The following AGBL4 variants were observed in gnomAD, a reference collection of about 807,000 sequenced individuals.
AGBL4 encodes the protein AGBL carboxypeptidase 4.
A neutral mutation model predicts 66.4 loss-of-function variants in AGBL4; 58 were observed. The observed-to-expected ratio is 0.87, with a 90% CI of 0.71 to 1.09. The LOEUF is 1.09. Among genes scored for constraint, AGBL4 ranks in the 50% least tolerant of loss-of-function variants. The probability of loss-of-function intolerance (pLI) is 0.00; values close to 1 mark genes in which losing one functional copy is unlikely to be tolerated. For missense variants in AGBL4, 579 were observed against 631.0 expected (o/e 0.92, Z 0.88); for synonymous variants, 234 against 222.9 (o/e 1.05, Z -0.44).
intron 6 of AGBL4, among the ~76,000 whole-genome samples, chr1:48,830,234 A>G (rs1646519187): frequency 6.6e-6 from 1 of 152,248 alleles, no homozygotes; most frequent in South Asian, 2.1e-4. Context: ...TAACATTTGT[A>G]GAACTCTTGC....
intron 2 of AGBL4, among the ~76,000 whole-genome samples, chr1:49,762,013 AT>A (rs1318099398): frequency 1.3e-5 from 2 of 152,212 alleles, no homozygotes; most frequent in Non-Finnish European, 2.9e-5. Flanking sequence ...CACCTTGGTT[AT>A]TGTAAATACT....
At position 48,533,966 on chromosome 1, in the gene AGBL4, T is replaced by C. The variant is rs1275511405; in HGVS notation, c.*207A>G. The C allele has an allele frequency of 4.0e-6, 3 of 753,836 alleles. No individual in the cohort carries two copies. The highest frequency in any genetic ancestry group is 2.5e-5 in the Admixed American group (1 of 40,426). The allele number at this position is 753,836 out of a possible 1,614,324, so 46.7% of individuals were successfully genotyped here. A position where few individuals can be genotyped will look rare whatever the true frequency, so the allele number is the denominator to read the frequency against. ...TGGTTCCGATCTCCTATTTTGTTCC[T>C]GAGCTTTTTGAGCTGAAGGCTTACA... On this transcript the variant is annotated 3_prime_UTR_variant, in exon 14 of 14. Coordinates refer to ENST00000371839, the MANE Select transcript of AGBL4 (RefSeq NM_032785.4).
intron 2 of AGBL4, among the ~76,000 whole-genome samples, chr1:49,844,157 A>C (rs1460400503): frequency 6.6e-6 from 1 of 152,222 alleles, no homozygotes; most frequent in Admixed American, 6.5e-5. Flanking sequence ...TGTGGGAAGC[A>C]GATAGGCTCC....
At chr1:49,456,948 A>G (rs1184279455) in intron 3 of AGBL4, among the ~76,000 whole-genome samples, 1 of 151,592 alleles carries the variant, frequency 6.6e-6, no homozygotes, top group Non-Finnish European at 1.5e-5. Context: ...ATATATATAT[A>G]CCACATTTTC....
chr1:49,140,218 AC>A (rs2148091918), intron 4 of AGBL4, among the ~76,000 whole-genome samples: 1 of 152,364 alleles, frequency 6.6e-6, no homozygotes, highest in South Asian at 2.1e-4. Flanking sequence ...AAAGTTAGGT[AC>A]AACTTGATCA....
chr1:48,995,813 T>C (rs1660955078), intron 5 of AGBL4, among the ~76,000 whole-genome samples: 1 of 152,166 alleles, frequency 6.6e-6, no homozygotes, highest in South Asian at 2.1e-4. Context: ...ACAAGCCCTG[T>C]AGTGCCTTAT....
chr1:48,617,160 G>C (rs746246617), intron 9 of AGBL4, among the ~76,000 whole-genome samples: 3 of 152,162 alleles, frequency 2.0e-5, no homozygotes, highest in Non-Finnish European at 4.4e-5. Flanking sequence ...CAAAGAAATA[G>C]CTTGACAGAA....
intron 2 of AGBL4, among the ~76,000 whole-genome samples, chr1:49,782,018 A>C (rs1438927003): frequency 6.6e-6 from 1 of 152,000 alleles, no homozygotes; most frequent in African/African-American, 2.4e-5. Context: ...TTTAAATAAG[A>C]ATATCTCAAA....
chr1:49,117,239 C>T (rs934401329), intron 4 of AGBL4, among the ~76,000 whole-genome samples: 3 of 152,120 alleles, frequency 2.0e-5, no homozygotes, highest in Non-Finnish European at 2.9e-5. Context: ...TCCCATTTGT[C>T]TATTTTAGCT....
At chr1:49,431,500 G>T (rs530266504) in intron 3 of AGBL4, among the ~76,000 whole-genome samples, 2 of 152,176 alleles carry the variant, frequency 1.3e-5, no homozygotes, top group Non-Finnish European at 2.9e-5. Flanking sequence ...CTGGTGTCCT[G>T]TTTTTTTAAA....
At chr1:49,926,497 T>C (rs1652788037) in intron 1 of AGBL4, among the ~76,000 whole-genome samples, 1 of 151,966 alleles carries the variant, frequency 6.6e-6, no homozygotes, top group African/African-American at 2.4e-5. Flanking sequence ...CCATCAAACA[T>C]CCACAACATT....
At position 49,053,694 on chromosome 1, in the gene AGBL4, T is replaced by G. The variant is rs556401897; in HGVS notation, c.378-7894A>C. Among the ~76,000 whole-genome samples the G allele has an allele frequency of 2.0e-5, 3 of 152,290 alleles. No individual in the cohort carries two copies. In the East Asian group the frequency reaches 5.8e-4, roughly 29 times the overall value. On this transcript the variant is annotated intron_variant, in intron 4 of 13. Transcript: ENST00000371839. The stretch of plus-strand genomic sequence containing the variant: ...CATTTATTTTCTTGTTTAGTTAAAA[T>G]TCTTAAAAAAATTTTTTGTCTGTTA...
intron 5 of AGBL4, among the ~76,000 whole-genome samples, chr1:48,993,868 G>A (rs975316591): frequency 2.0e-5 from 3 of 152,164 alleles, no homozygotes; most frequent in Non-Finnish European, 2.9e-5. Flanking sequence ...GGAGAAGGGG[G>A]AGGGGTGGCA....
intron 2 of AGBL4, among the ~76,000 whole-genome samples, chr1:49,722,810 T>C (rs1380063657): frequency 6.6e-6 from 1 of 152,138 alleles, no homozygotes; most frequent in African/African-American, 2.4e-5. Flanking sequence ...CCGTTTCCAA[T>C]GAATCTTCTC....
At chr1:49,850,078 G>A (rs973705437) in intron 2 of AGBL4, among the ~76,000 whole-genome samples, 19 of 152,142 alleles carry the variant, frequency 1.2e-4, no homozygotes, top group African/African-American at 3.9e-4. Context: ...ACAATACTGC[G>A]TAATGACTGA....
At chr1:49,115,119 A>G (rs1415200027) in intron 4 of AGBL4, among the ~76,000 whole-genome samples, 1 of 152,224 alleles carries the variant, frequency 6.6e-6, no homozygotes, top group Non-Finnish European at 1.5e-5. Flanking sequence ...GCAAAATGCT[A>G]TAAAATGAGG....
intron 6 of AGBL4, among the ~76,000 whole-genome samples, chr1:48,831,130 T>A (rs1297630539): frequency 6.6e-6 from 1 of 152,192 alleles, no homozygotes; most frequent in Non-Finnish European, 1.5e-5. Flanking sequence ...TTTGAGTCAT[T>A]CTTAATGACA....
intron 3 of AGBL4, among the ~76,000 whole-genome samples, chr1:49,315,152 C>T (rs1465770332): frequency 6.6e-6 from 1 of 152,090 alleles, no homozygotes; most frequent in Non-Finnish European, 1.5e-5. Context: ...GAAAGCTTTG[C>T]CTATTTAATA....
chr1:49,630,317 C>CTGA (rs764508234), intron 3 of AGBL4, among the ~76,000 whole-genome samples: 27 of 152,156 alleles, frequency 1.8e-4, no homozygotes, highest in Non-Finnish European at 3.5e-4. Context: ...TTTTATATTT[C>CTGA]TGATAGCCTT....
Sources: gnomAD v4.1 joint callset for allele counts (sites outside exome capture counted in the v4.1 genomes callset) on GRCh38, gnomAD v4.1.1 for gene constraint, MANE v1.5 for transcripts, NCBI Gene and HGNC (gene_info 2026-07-23, HGNC 2026-07-21) for gene names.